Variants in FZD1 observed in about 807,000 individuals in gnomAD.
FZD1 encodes frizzled-1.
In FZD1, 22 loss-of-function variants were observed where a neutral mutation model predicts 48.0. The observed-to-expected ratio is 0.46, with a 90% CI of 0.33 to 0.65. The LOEUF (loss-of-function observed/expected upper bound fraction) is 0.65, where lower values mean the gene tolerates loss of function less well. FZD1 is among the 30% of genes least tolerant of loss of function. FZD1 has a pLI of 0.02. For synonymous variants in FZD1, 486 were observed against 409.6 expected (o/e 1.19, Z -2.25); for missense variants, 843 against 898.1 (o/e 0.94, Z 0.78).
Position 91,267,387 on chromosome 7 carries a change from GCCTCCTCCTTTTGCCCCCT to G in FZD1, c.*566_*584del, listed in dbSNP as rs1332483901. ...GGCTGCGCTGCCAGGGTCACTTCCCGCCTCCTCCTTTTGCCCCCTCCCCCTCCTTCTGTCCCCTCCCTTT... is the reference window on the plus strand; with the variant it reads ...GGCTGCGCTGCCAGGGTCACTTCCCGCCCCCTCCTTCTGTCCCCTCCCTTT... On this transcript the variant is annotated 3_prime_UTR_variant, in exon 1 of 1. Transcript: ENST00000287934. 4 of 167,508 alleles carry G rather than the reference GCCTCCTCCTTTTGCCCCCT, an allele frequency of 2.4e-5. No homozygotes were observed. Among genetic ancestry groups the G allele is most frequent in the African/African-American group, 4.8e-5 (2 of 41,430 alleles). The allele number at this position is 167,508 out of a possible 1,614,324, so 10.4% of individuals were successfully genotyped here. A position where few individuals can be genotyped will look rare whatever the true frequency, so the allele number is the denominator to read the frequency against.
chr7:91,265,704 C>T lies in FZD1; in HGVS notation c.824C>T (p.Ser275Phe), dbSNP rs940876191. Reference sequence around the variant, plus strand: ...GGCGCGTCGGAGCGAGGCAAGTTCTCCTGCCCGCGCGCCCTCAAGGTGCCC... The same window carrying T: ...GGCGCGTCGGAGCGAGGCAAGTTCTTCTGCCCGCGCGCCCTCAAGGTGCCC... The part of the protein sequence containing the change: ...GAGASERGKF[S>F]CPRALKVPSY... The change falls in exon 1 of 1, where the codon TCC becomes TTC. Residue 275 changes from serine to phenylalanine, a missense_variant. Ser to Phe is a radical substitution (Grantham distance 155). Around this residue, in one of 2 missense-constraint regions of FZD1, gnomAD observed 490 missense variants for 466.5 expected, o/e 1.05. Transcript: ENST00000287934. The surrounding 1 kb of genome is among the most constrained non-coding windows in gnomAD (Gnocchi z 6.9). The T allele has an allele frequency of 1.9e-6, 3 of 1,602,138 alleles. No homozygotes were observed. The highest frequency in any genetic ancestry group is 1.7e-6 in the Non-Finnish European group (2 of 1,175,178).
Position 91,266,834 on chromosome 7 carries a change from C to T in FZD1, c.*10C>T, listed in dbSNP as rs1292052310. 1.9e-6 allele frequency: 3 copies of T among 1,547,600 alleles called. No homozygotes were observed. The highest frequency in any genetic ancestry group is 1.9e-5 in the Admixed American group (1 of 54,008). ...GGAGACTACAGTCTGAGACCCGGGG[C>T]TCAGCCCATGCCCAGGCCTCGGCCG... On this transcript the variant is annotated 3_prime_UTR_variant, in exon 1 of 1. Coordinates refer to ENST00000287934, the MANE Select transcript of FZD1 (RefSeq NM_003505.2). The surrounding 1 kb of genome is among the most constrained non-coding windows in gnomAD (Gnocchi z 6.8).
At position 91,264,853 on chromosome 7, in the gene FZD1, G is replaced by A. The variant is rs1365503646; in HGVS notation, c.-28G>A. The A allele has an allele frequency of 4.7e-6, 6 of 1,272,286 alleles. No individual in the cohort carries two copies. The highest frequency in any genetic ancestry group is 4.9e-6 in the Non-Finnish European group (5 of 1,011,262). 78.8% of individuals were successfully genotyped at this position (1,272,286 alleles called of 1,614,324 possible). A position where few individuals can be genotyped will look rare whatever the true frequency, so the allele number is the denominator to read the frequency against. ...CCGTGCCCCTGGCAGCCCCAGCGGA[G>A]CGGCGCCAAGAGAGGAGCCGAGAAA... On this transcript the variant is annotated 5_prime_UTR_variant, in exon 1 of 1. Coordinates refer to ENST00000287934, the MANE Select transcript of FZD1 (RefSeq NM_003505.2).
chr7:91,264,973 G>A lies in FZD1; in HGVS notation c.93G>A (p.Ala31=), dbSNP rs749554036. The stretch of plus-strand genomic sequence containing the variant: ...CCGGGGCGCTCTCGGCCCGGCTGGC[G>A]GAGGAGGGCAGCGGGGACGCCGGTG... ...LCAGALSARL[A]EEGSGDAGGR... is the part of the protein sequence containing the mutation. Residue 31 remains alanine (A), a synonymous_variant, in exon 1 of 1, where the codon GCG becomes GCA. Coordinates refer to ENST00000287934, the MANE Select transcript of FZD1 (RefSeq NM_003505.2). 2.2e-6 allele frequency: 3 copies of A among 1,375,916 alleles called. No homozygotes were observed. The highest frequency in any genetic ancestry group is 2.8e-6 in the Non-Finnish European group (3 of 1,067,608). 85.2% of individuals were successfully genotyped at this position (1,375,916 alleles called of 1,614,324 possible).
chr7:91,266,011 C>T lies in FZD1; in HGVS notation c.1131C>T (p.Asp377=). 6.2e-7 allele frequency: 1 copy of T among 1,614,162 alleles called. No homozygotes were observed. Among genetic ancestry groups the T allele is most frequent in the Non-Finnish European group, 8.5e-7 (1 of 1,180,034 alleles). The change falls in exon 1 of 1, where the codon GAC becomes GAT. Residue 377 remains aspartate (D), a synonymous_variant. Transcript: ENST00000287934. This position sits in a 1 kb window ranked among gnomAD's most constrained non-coding sequence, Gnocchi z 6.8. ...ACATCGCCGGCTTCCTCCTGGAAGA[C>T]CGAGTGGTGTGTAATGACAAGTTCG... ...VAYIAGFLLE[D]RVVCNDKFAE...
Position 91,266,201 on chromosome 7 carries a change from G to A in FZD1, c.1321G>A (p.Glu441Lys), listed in dbSNP as rs2116134117. The change falls in exon 1 of 1, where the codon GAA becomes AAA. Residue 441 changes from glutamate (E) to lysine (K), a missense_variant. Glu to Lys is a moderately conservative substitution (Grantham distance 56, BLOSUM62 1). Coordinates refer to ENST00000287934, the MANE Select transcript of FZD1 (RefSeq NM_003505.2). The surrounding 1 kb of genome is among the most constrained non-coding windows in gnomAD (Gnocchi z 6.8). ...CATGAAGTGGGGCCACGAGGCCATC[G>A]AAGCCAACTCACAGTATTTTCACCT... is the stretch of plus-strand genomic sequence containing the variant. ...AGMKWGHEAI[E>K]ANSQYFHLAA... The A allele has an allele frequency of 6.2e-7, 1 of 1,614,130 alleles. No individual in the cohort carries two copies.
In FZD1 at chr7:91,270,727, T is replaced by C. The variant is rs887187991; in HGVS notation, c.*3903T>C. ...TGACTATTGGCCACAATTTATATAA[T>C]GCACATGCAATTAATTGAAACCTGT... On this transcript the variant is annotated 3_prime_UTR_variant, in exon 1 of 1. Transcript: ENST00000287934. 4 of 166,276 alleles carry C rather than the reference T, an allele frequency of 2.4e-5. No homozygotes were observed. Among genetic ancestry groups the C allele is most frequent in the Non-Finnish European group, 5.9e-5 (4 of 68,116 alleles). The allele number at this position is 166,276 out of a possible 1,614,324, so 10.3% of individuals were successfully genotyped here. A position where few individuals can be genotyped will look rare whatever the true frequency, so the allele number is the denominator to read the frequency against.
chr7:91,266,358 C>T lies in FZD1; in HGVS notation c.1478C>T (p.Ala493Val), dbSNP rs1333940133. Residue 493 changes from alanine (A) to valine (V), a missense_variant, in exon 1 of 1, where the codon GCG becomes GTG. Coordinates refer to ENST00000287934, the MANE Select transcript of FZD1 (RefSeq NM_003505.2). This position sits in a 1 kb window ranked among gnomAD's most constrained non-coding sequence, Gnocchi z 6.8. ...NVDALRGFVLAPLFVYLFIGT... is the reference protein window; with the variant it reads ...NVDALRGFVLVPLFVYLFIGT... ...GACGCGCTGCGTGGCTTCGTGCTGG[C>T]GCCCCTCTTCGTGTACCTGTTTATC... 1.2e-6 allele frequency: 2 copies of T among 1,613,964 alleles called. No individual in the cohort carries two copies. Among genetic ancestry groups the T allele is most frequent in the Non-Finnish European group, 8.5e-7 (1 of 1,180,012 alleles).
chr7:91,265,699 G>T lies in FZD1; in HGVS notation c.819G>T (p.Lys273Asn). 6.3e-7 allele frequency: 1 copy of T among 1,599,172 alleles called. No individual in the cohort carries two copies. The highest frequency in any genetic ancestry group is 1.1e-5 in the South Asian group (1 of 89,776). Residue 273 changes from lysine (K) to asparagine (N), a missense_variant, in exon 1 of 1, where the codon AAG becomes AAT. By Grantham distance (94) the Lys-to-Asn change is moderately conservative (BLOSUM62 0). Coordinates refer to ENST00000287934, the MANE Select transcript of FZD1 (RefSeq NM_003505.2). The surrounding 1 kb of genome is among the most constrained non-coding windows in gnomAD (Gnocchi z 6.9). ...GCGCCGGCGCGTCGGAGCGAGGCAA[G>T]TTCTCCTGCCCGCGCGCCCTCAAGG... ...PGGAGASERG[K>N]FSCPRALKVP... is the part of the protein sequence containing the mutation.
rs192672924 is a variant in FZD1 at position 91,269,435 on chromosome 7, T to G, written c.*2611T>G. 1.7e-4 allele frequency: 28 copies of G among 167,096 alleles called. No individual in the cohort carries two copies. Among genetic ancestry groups the G allele is most frequent in the Non-Finnish European group, 2.2e-4 (15 of 68,052 alleles). The allele number at this position is 167,096 out of a possible 1,614,324, so 10.4% of individuals were successfully genotyped here. ...ACATTTCATAATATGGAAATATGGT[T>G]ATGAGAAATGGAAAATGCTAGATGG... On this transcript the variant is annotated 3_prime_UTR_variant, in exon 1 of 1. Coordinates refer to ENST00000287934, the MANE Select transcript of FZD1 (RefSeq NM_003505.2).
chr7:91,265,821 A>T lies in FZD1; in HGVS notation c.941A>T (p.Glu314Val), dbSNP rs1358536884. 1 of 1,613,816 alleles carries T rather than the reference A, an allele frequency of 6.2e-7. No homozygotes were observed. The highest frequency in any genetic ancestry group is 8.5e-7 in the Non-Finnish European group (1 of 1,179,800). ...TATGGGCTCATGTACTTCGGGCCCG[A>T]GGAGCTGCGCTTCTCGCGCACCTGG... The part of the protein sequence containing the change: ...KVYGLMYFGP[E>V]ELRFSRTWIG... Residue 314 changes from glutamate (E) to valine (V), a missense_variant, in exon 1 of 1, where the codon GAG becomes GTG. By Grantham distance (121) the Glu-to-Val change is moderately radical. Around this residue, in one of 2 missense-constraint regions of FZD1, gnomAD observed 490 missense variants for 466.5 expected, o/e 1.05. Coordinates refer to ENST00000287934, the MANE Select transcript of FZD1 (RefSeq NM_003505.2). The surrounding 1 kb of genome is among the most constrained non-coding windows in gnomAD (Gnocchi z 6.9).
chr7:91,266,011 C>G lies in FZD1; in HGVS notation c.1131C>G (p.Asp377Glu). Reference sequence around the variant, plus strand: ...ACATCGCCGGCTTCCTCCTGGAAGACCGAGTGGTGTGTAATGACAAGTTCG... The same window carrying G: ...ACATCGCCGGCTTCCTCCTGGAAGAGCGAGTGGTGTGTAATGACAAGTTCG... ...VAYIAGFLLE[D>E]RVVCNDKFAE... is the part of the protein sequence containing the mutation. Residue 377 changes from aspartate to glutamate, a missense_variant, in exon 1 of 1, where the codon GAC becomes GAG. Transcript: ENST00000287934. This position sits in a 1 kb window ranked among gnomAD's most constrained non-coding sequence, Gnocchi z 6.8. 6.2e-7 allele frequency: 1 copy of G among 1,614,162 alleles called. No homozygotes were observed. The highest frequency in any genetic ancestry group is 8.5e-7 in the Non-Finnish European group (1 of 1,180,034).
rs749138157 is a variant in FZD1, at chr7:91,265,236, T to A, written c.356T>A (p.Ile119Asn). 6.2e-7 allele frequency: 1 copy of A among 1,613,992 alleles called. No homozygotes were observed. Among genetic ancestry groups the A allele is most frequent in the Non-Finnish European group, 8.5e-7 (1 of 1,179,950 alleles). The change falls in exon 1 of 1, where the codon ATC (isoleucine) becomes AAC (asparagine). Residue 119 changes from isoleucine to asparagine, a missense_variant. This residue lies in a region of FZD1 where 490 missense variants were observed against 466.5 expected (regional missense o/e 1.05). Transcript: ENST00000287934. The surrounding 1 kb of genome is among the most constrained non-coding windows in gnomAD (Gnocchi z 6.9). ...SVPDHGYCQP[I>N]SIPLCTDIAY... ...CCGGACCACGGCTATTGCCAGCCCA[T>A]CTCCATCCCGCTGTGCACGGACATC...
chr7:91,266,402 G>T lies in FZD1; in HGVS notation c.1522G>T (p.Ala508Ser). The T allele has an allele frequency of 6.2e-7, 1 of 1,614,142 alleles. No individual in the cohort carries two copies. The highest frequency in any genetic ancestry group is 8.5e-7 in the Non-Finnish European group (1 of 1,180,018). ...GTTTATCGGCACGTCCTTTCTGCTG[G>T]CCGGCTTTGTGTCGCTCTTCCGCAT... Reference protein sequence around the residue: ...YLFIGTSFLLAGFVSLFRIRT... With the variant: ...YLFIGTSFLLSGFVSLFRIRT... Residue 508 changes from alanine to serine, a missense_variant, in exon 1 of 1, where the codon GCC (alanine) becomes TCC (serine). Coordinates refer to ENST00000287934, the MANE Select transcript of FZD1 (RefSeq NM_003505.2). This position sits in a 1 kb window ranked among gnomAD's most constrained non-coding sequence, Gnocchi z 6.8.
rs780974515 is a variant in FZD1 at position 91,266,205 on chromosome 7, C to G, written c.1325C>G (p.Ala442Gly). 3.7e-6 allele frequency: 6 copies of G among 1,614,036 alleles called. No individual in the cohort carries two copies. Among genetic ancestry groups the G allele is most frequent in the Non-Finnish European group, 5.1e-6 (6 of 1,180,028 alleles). Residue 442 changes from alanine to glycine, a missense_variant, in exon 1 of 1, where the codon GCC (alanine) becomes GGC (glycine). Around this residue, in one of 2 missense-constraint regions of FZD1, gnomAD observed 353 missense variants for 431.6 expected, o/e 0.82. Transcript: ENST00000287934. This position sits in a 1 kb window ranked among gnomAD's most constrained non-coding sequence, Gnocchi z 6.8. ...GMKWGHEAIE[A>G]NSQYFHLAAW... is the part of the protein sequence containing the mutation. Reference sequence around the variant, plus strand: ...AAGTGGGGCCACGAGGCCATCGAAGCCAACTCACAGTATTTTCACCTGGCC... The same window carrying G: ...AAGTGGGGCCACGAGGCCATCGAAGGCAACTCACAGTATTTTCACCTGGCC...
rs1372409078 is a variant in FZD1, at chr7:91,264,813, G to A, written c.-68G>A. 8.6e-6 allele frequency: 10 copies of A among 1,162,112 alleles called. No individual in the cohort carries two copies. The highest frequency in any genetic ancestry group is 3.2e-4 in the Middle Eastern group (1 of 3,096). The allele number at this position is 1,162,112 out of a possible 1,614,324, so 72.0% of individuals were successfully genotyped here. A position where few individuals can be genotyped will look rare whatever the true frequency, so the allele number is the denominator to read the frequency against. On this transcript the variant is annotated 5_prime_UTR_variant, in exon 1 of 1. Transcript: ENST00000287934. ...GCGCAGAGGTCTCCCTGGCCGCAGG[G>A]GGAGCCGCCGCCGGCCGTGCCCCTG...
In FZD1 at chr7:91,266,942, T is replaced by C; in HGVS notation, c.*118T>C. On this transcript the variant is annotated 3_prime_UTR_variant, in exon 1 of 1. Transcript: ENST00000287934. This position sits in a 1 kb window ranked among gnomAD's most constrained non-coding sequence, Gnocchi z 6.8. ...GAGGTTTCCTCACTAGACAACTCTC[T>C]TTCGCAGGCTCCTTTGAACAACTCA... 1.5e-6 allele frequency: 1 copy of C among 689,054 alleles called. No homozygotes were observed. Among genetic ancestry groups the C allele is most frequent in the Non-Finnish European group, 2.5e-6 (1 of 393,940 alleles). The allele number at this position is 689,054 out of a possible 1,614,324, so 42.7% of individuals were successfully genotyped here.
In FZD1 at chr7:91,267,350, G is replaced by C. The variant is rs1175931863; in HGVS notation, c.*526G>C. ...GCTCCGGGGCGAGTTCAGCACTGCG[G>C]GGTGCGACTAGGGCTGCGCTGCCAG... is the stretch of plus-strand genomic sequence containing the variant. On this transcript the variant is annotated 3_prime_UTR_variant, in exon 1 of 1. Coordinates refer to ENST00000287934, the MANE Select transcript of FZD1 (RefSeq NM_003505.2). 1 of 168,024 alleles carries C rather than the reference G, an allele frequency of 6.0e-6. No individual in the cohort carries two copies. Among genetic ancestry groups the C allele is most frequent in the Non-Finnish European group, 1.4e-5 (1 of 69,192 alleles). 10.4% of individuals were successfully genotyped at this position (168,024 alleles called of 1,614,324 possible). A position where few individuals can be genotyped will look rare whatever the true frequency, so the allele number is the denominator to read the frequency against.
rs2115570320 is a variant in FZD1, at chr7:91,270,922, A to G, written c.*4098A>G. On this transcript the variant is annotated 3_prime_UTR_variant, in exon 1 of 1. Coordinates refer to ENST00000287934, the MANE Select transcript of FZD1 (RefSeq NM_003505.2). ...ACTAATGTCAAAGGCTTGCAGGATT[A>G]ATGTGTAGGAACCAACATAAGACAT... The G allele has an allele frequency of 1.8e-5, 3 of 167,200 alleles. No homozygotes were observed. In the South Asian group the frequency reaches 6.2e-4, roughly 35 times the overall value. The allele number at this position is 167,200 out of a possible 1,614,324, so 10.4% of individuals were successfully genotyped here.
Sources: gnomAD v4.1 joint callset for allele counts on GRCh38, gnomAD v4.1.1 for gene constraint, gnomAD v4.1.1 regional missense constraint, Gnocchi (gnomAD v3.1) non-coding constraint, MANE v1.5 for transcripts, NCBI Gene and HGNC (gene_info 2026-07-23, HGNC 2026-07-21) for gene names.